Variants in FOXO3 observed in about 807,000 individuals in gnomAD.
FOXO3 encodes forkhead box protein O3.
A neutral mutation model predicts 41.9 loss-of-function variants in FOXO3; 4 were observed. The observed-to-expected ratio is 0.10, with a 90% CI of 0.05 to 0.22. The LOEUF is 0.22. Among genes scored for constraint, FOXO3 ranks in the 10% least tolerant of loss-of-function variants. The probability of loss-of-function intolerance (pLI) is 1.00; values close to 1 mark genes in which losing one functional copy is unlikely to be tolerated. For missense variants in FOXO3, 534 were observed against 906.8 expected (o/e 0.59, Z 5.28); for synonymous variants, 318 against 389.3 (o/e 0.82, Z 2.16).
intron 2 of FOXO3, among the ~76,000 whole-genome samples, chr6:108,667,043 C>T (rs963272158): frequency 1.3e-5 from 2 of 152,170 alleles, no homozygotes; most frequent in South Asian, 2.1e-4. Context: ...TGAGCTCACT[C>T]CAGCTCACGG....
intron 1 of FOXO3, among the ~76,000 whole-genome samples, chr6:108,589,805 G>A (rs1019356815): frequency 4.6e-5 from 7 of 152,164 alleles, no homozygotes; most frequent in African/African-American, 1.4e-4. Flanking sequence ...CTAAGATAGA[G>A]CCTTCCAATT....
At chr6:108,624,895 G>A (rs899078017) in intron 1 of FOXO3, among the ~76,000 whole-genome samples, 1 of 152,070 alleles carries the variant, frequency 6.6e-6, no homozygotes, top group Non-Finnish European at 1.5e-5. Flanking sequence ...TGAGCCTCTG[G>A]AGTAGCTGGA....
At chr6:108,677,063 A>G (rs3800231) in intron 2 of FOXO3, among the ~76,000 whole-genome samples, 82,781 of 152,114 alleles carry the variant, frequency 0.54, 26,519 homozygotes, top group East Asian at 0.71. Context: ...AGTTGCCTCT[A>G]TACCTGGGCC....
At chr6:108,597,154 G>T (rs948273515) in intron 1 of FOXO3, among the ~76,000 whole-genome samples, 5 of 152,184 alleles carry the variant, frequency 3.3e-5, no homozygotes, top group Admixed American at 2.6e-4. Flanking sequence ...CAGAATGTGG[G>T]TGATGCCATT....
At chr6:108,664,940 G>C in intron 2 of FOXO3, 51 bp downstream of exon 2, 10 of 1,455,948 alleles carry the variant, frequency 6.9e-6, no homozygotes, top group Non-Finnish European at 8.4e-6. Context: ...GATGAGGGGG[G>C]ATCTCTGGGG....
intron 2 of FOXO3, among the ~76,000 whole-genome samples, chr6:108,665,138 C>A (rs1382253537): frequency 6.6e-6 from 1 of 152,190 alleles, no homozygotes; most frequent in Non-Finnish European, 1.5e-5. Flanking sequence ...GTGAAGAGAA[C>A]ACGTACGCAT....
At chr6:108,581,940 G>A (rs1776432883) in intron 1 of FOXO3, among the ~76,000 whole-genome samples, 2 of 151,968 alleles carry the variant, frequency 1.3e-5, no homozygotes, top group Admixed American at 6.6e-5. Context: ...TCATCTGCAT[G>A]AAAAATAAAA....
intron 1 of FOXO3, among the ~76,000 whole-genome samples, chr6:108,623,254 T>A (rs1211400451): frequency 1.3e-5 from 2 of 152,136 alleles, no homozygotes; most frequent in Non-Finnish European, 2.9e-5. Flanking sequence ...CTGATTAGCT[T>A]ATAAGTTGGC....
chr6:108,593,316 T>G (rs1367605828), intron 1 of FOXO3, among the ~76,000 whole-genome samples: 1 of 152,228 alleles, frequency 6.6e-6, no homozygotes, highest in African/African-American at 2.4e-5. Context: ...TTAATTGGGC[T>G]TAAGGAAAGC....
intron 1 of FOXO3, among the ~76,000 whole-genome samples, chr6:108,628,722 A>G (rs191519615): frequency 1.3e-5 from 2 of 152,106 alleles, no homozygotes; most frequent in Non-Finnish European, 2.9e-5. Context: ...ATTTAAACCC[A>G]CTCTGCAGCC....
At chr6:108,624,246 G>T (rs1412929053) in intron 1 of FOXO3, among the ~76,000 whole-genome samples, 3 of 151,918 alleles carry the variant, frequency 2.0e-5, no homozygotes, top group Admixed American at 2.0e-4. Flanking sequence ...GCCTGTGGTT[G>T]CTGGAATTTT....
At chr6:108,643,756 C>A (rs575168435) in intron 1 of FOXO3, among the ~76,000 whole-genome samples, 1 of 152,154 alleles carries the variant, frequency 6.6e-6, no homozygotes, top group Non-Finnish European at 1.5e-5. Context: ...ACAGTGCTAT[C>A]GTCCAGAGCT....
rs1770450562 is a variant in FOXO3 at position 108,673,655 on chromosome 6, C to G, written c.*35-6172C>G. ...AGATCCTCCCTTCAGTATTTGGTAG[C>G]TAAACCCTGAGATGGACTGGCAATT... On this transcript the variant is annotated intron_variant, in intron 2 of 2. Transcript: ENST00000406360. Among the ~76,000 whole-genome samples, 5 of 152,194 alleles carry G rather than the reference C, an allele frequency of 3.3e-5. No homozygotes were observed. The South Asian group carries it at 1.0e-3, about 32-fold the overall frequency.
At chr6:108,584,040 T>A (rs575244730) in intron 1 of FOXO3, among the ~76,000 whole-genome samples, 3 of 152,324 alleles carry the variant, frequency 2.0e-5, no homozygotes, top group Non-Finnish European at 4.4e-5. Context: ...CCAGGGCTCA[T>A]GTGACTTGAT....
chr6:108,561,425 G>C lies in FOXO3; in HGVS notation c.217G>C (p.Ala73Pro). 6.5e-7 allele frequency: 1 copy of C among 1,537,592 alleles called. No homozygotes were observed. Among genetic ancestry groups the C allele is most frequent in the Admixed American group, 2.0e-5 (1 of 50,076 alleles). The change falls in exon 1 of 3, where the codon GCC (alanine) becomes CCC (proline). Residue 73 changes from alanine (A) to proline (P), a missense_variant. Transcript: ENST00000406360. ...DEDDEDGGGR[A>P]GSAMAIGGGG... ...AGACGACGAGGACGGCGGGGGACGG[G>C]CCGGCTCGGCCATGGCGATCGGCGG...
intron 2 of FOXO3, among the ~76,000 whole-genome samples, chr6:108,667,595 C>T (rs1263629614): frequency 6.6e-6 from 1 of 152,110 alleles, no homozygotes; most frequent in Non-Finnish European, 1.5e-5. Flanking sequence ...AAGGATTGTA[C>T]AGAAAATTAA....
At chr6:108,620,351 A>G in intron 1 of FOXO3, among the ~76,000 whole-genome samples, 1 of 152,204 alleles carries the variant, frequency 6.6e-6, no homozygotes, top group Non-Finnish European at 1.5e-5. Context: ...TTTTTCTTAA[A>G]TAGGAGGGAG....
At chr6:108,606,582 G>A (rs1389475210) in intron 1 of FOXO3, among the ~76,000 whole-genome samples, 1 of 152,138 alleles carries the variant, frequency 6.6e-6, no homozygotes, top group African/African-American at 2.4e-5. Flanking sequence ...GAGACTGCAT[G>A]AAAAACTTTC....
intron 1 of FOXO3, among the ~76,000 whole-genome samples, chr6:108,588,747 A>G (rs528825139): frequency 4.6e-5 from 7 of 152,328 alleles, no homozygotes; most frequent in African/African-American, 1.7e-4. Context: ...GGAGAAACAG[A>G]AAATACAGCT....
Sources: gnomAD v4.1 joint callset for allele counts (sites outside exome capture counted in the v4.1 genomes callset) on GRCh38, gnomAD v4.1.1 for gene constraint, MANE v1.5 for transcripts, NCBI Gene and HGNC (gene_info 2026-07-23, HGNC 2026-07-21) for gene names.